The following ROBO2 variants were observed in gnomAD, a reference collection of about 807,000 sequenced individuals.
The protein encoded by ROBO2 is roundabout homolog 2.
In ROBO2, 53 loss-of-function variants were observed where a neutral mutation model predicts 160.8. The observed-to-expected ratio is 0.33, with a 90% CI of 0.26 to 0.41. ROBO2 has a LOEUF of 0.41. Among genes scored for constraint, ROBO2 ranks in the 10% least tolerant of loss-of-function variants. The probability of loss-of-function intolerance (pLI) is 1.00; values close to 1 mark genes in which losing one functional copy is unlikely to be tolerated. For synonymous variants in ROBO2, 664 were observed against 611.7 expected, an observed-to-expected ratio of 1.09 and a Z score of -1.26; for missense variants, 1,577 against 1,722.4, an observed-to-expected ratio of 0.92 and a Z score of 1.49.
intron 2 of ROBO2, among the ~76,000 whole-genome samples, chr3:77,462,620 C>T (rs533528320): frequency 5.3e-5 from 8 of 152,282 alleles, no homozygotes; most frequent in Non-Finnish European, 1.2e-4. Context: ...GAAAACACTC[C>T]GTCAATATAC....
At position 77,358,539 on chromosome 3, in the gene ROBO2, A is replaced by G. The variant is rs1306256328; in HGVS notation, c.389-118875A>G. Among the ~76,000 whole-genome samples the G allele has an allele frequency of 5.3e-5, 8 of 152,238 alleles. No individual in the cohort carries two copies. In the South Asian group the frequency reaches 1.0e-3, roughly 20 times the overall value. The stretch of plus-strand genomic sequence containing the variant: ...ACAGGAAAAACACAATAAGGCAATC[A>G]TTATAAGTTTTATGTTTCATTCTTG... On this transcript the variant is annotated intron_variant, in intron 2 of 25. Transcript: ENST00000461745.
intron 2 of ROBO2, among the ~76,000 whole-genome samples, chr3:76,464,506 A>G (rs373296845): frequency 6.6e-6 from 1 of 152,128 alleles, no homozygotes; most frequent in East Asian, 1.9e-4. Context: ...ACTCCTCTCA[A>G]TATATACTCA....
intron 12 of ROBO2, among the ~76,000 whole-genome samples, chr3:77,565,607 T>C (rs2153664069): frequency 6.6e-6 from 1 of 152,222 alleles, no homozygotes; most frequent in Middle Eastern, 3.4e-3. Flanking sequence ...CAGGCTCAAA[T>C]TCAAACGCTC....
At chr3:76,355,485 G>A (rs1016382597) in intron 2 of ROBO2, among the ~76,000 whole-genome samples, 1 of 151,710 alleles carries the variant, frequency 6.6e-6, no homozygotes, top group Non-Finnish European at 1.5e-5. Flanking sequence ...TGAATATCAG[G>A]ATGAGAATTG....
rs867985981 is a variant in ROBO2, at chr3:76,504,561, G to A, written c.109+566959G>A. ...TTTTTTTTTTTTGAGACGGAGTCTC[G>A]CTCTGTGCCCAGGCTGGAGTGCAGT... On this transcript the variant is annotated intron_variant, in intron 2 of 26. Transcript: ENST00000487694. Among the ~76,000 whole-genome samples, 12 of 112,994 alleles carry A rather than the reference G, an allele frequency of 1.1e-4. No individual in the cohort carries two copies. In the South Asian group the frequency reaches 1.7e-3, roughly 16 times the overall value. The allele number at this position is 112,994 out of a possible 152,430, so 74.1% of individuals were successfully genotyped here.
chr3:76,476,881 A>G (rs1226103340), intron 2 of ROBO2, among the ~76,000 whole-genome samples: 2 of 152,224 alleles, frequency 1.3e-5, no homozygotes, highest in African/African-American at 4.8e-5. Flanking sequence ...GGAGGCAGCA[A>G]ACTCCAAGTG....
At chr3:76,660,298 T>A (rs1318861665) in intron 2 of ROBO2, among the ~76,000 whole-genome samples, 2 of 152,180 alleles carry the variant, frequency 1.3e-5, no homozygotes, top group Non-Finnish European at 2.9e-5. Flanking sequence ...AACTGGACTT[T>A]TCCACAGATA....
chr3:76,818,105 A>C (rs2065842724), intron 2 of ROBO2, among the ~76,000 whole-genome samples: 1 of 152,034 alleles, frequency 6.6e-6, no homozygotes, highest in Admixed American at 6.6e-5. Flanking sequence ...GTGCTAGTTT[A>C]CATTTCTACC....
intron 2 of ROBO2, among the ~76,000 whole-genome samples, chr3:77,356,964 A>G (rs1472330009): frequency 1.3e-5 from 2 of 152,192 alleles, no homozygotes; most frequent in Non-Finnish European, 2.9e-5. Context: ...GAGGAAATAT[A>G]TTAAATATTG....
intron 2 of ROBO2, among the ~76,000 whole-genome samples, chr3:77,099,230 A>G (rs1006165487): frequency 6.6e-6 from 1 of 151,686 alleles, no homozygotes; most frequent in Non-Finnish European, 1.5e-5. Context: ...AGGCCCAGCT[A>G]ATTTTTGTAT....
chr3:77,305,519 G>T (rs2063026419), intron 2 of ROBO2, among the ~76,000 whole-genome samples: 1 of 152,188 alleles, frequency 6.6e-6, no homozygotes, highest in African/African-American at 2.4e-5. Flanking sequence ...AGTCTATGGT[G>T]TTGAGATATT....
intron 2 of ROBO2, among the ~76,000 whole-genome samples, chr3:76,116,163 A>G (rs951241943): frequency 6.6e-6 from 1 of 152,134 alleles, no homozygotes; most frequent in African/African-American, 2.4e-5. Flanking sequence ...CAAGTTTGTC[A>G]ACCTGTATGT....
At chr3:77,037,185 A>C (rs573398790), upstream of ROBO2, among the ~76,000 whole-genome samples, 25 of 152,246 alleles carry the variant, frequency 1.6e-4, no homozygotes, top group Admixed American at 5.9e-4. Context: ...ATCATTTGGG[A>C]TGAGATTGTT....
At chr3:77,426,189 G>A (rs2078187232) in intron 2 of ROBO2, among the ~76,000 whole-genome samples, 1 of 152,140 alleles carries the variant, frequency 6.6e-6, no homozygotes, top group African/African-American at 2.4e-5. Context: ...GGAGCAAAGT[G>A]AGCATATTCT....
At chr3:77,323,444 C>T (rs1376836697) in intron 2 of ROBO2, among the ~76,000 whole-genome samples, 1 of 152,076 alleles carries the variant, frequency 6.6e-6, no homozygotes, top group Non-Finnish European at 1.5e-5. Context: ...AATAGAATAA[C>T]ACATTTGCAT....
chr3:77,040,264 A>T lies in ROBO2; in HGVS notation c.-522A>T. ...CACATTCTTATTATGGAAGTTAAGT[A>T]AAAATATAGACATATTAAAAAATAA... is the stretch of plus-strand genomic sequence containing the variant. On this transcript the variant is annotated 5_prime_UTR_variant, in exon 1 of 26. An upstream open reading frame in the 5' UTR loses its in-frame stop. Coordinates refer to ENST00000461745, the Ensembl canonical transcript of ROBO2. 1 of 988,790 alleles carries T rather than the reference A, an allele frequency of 1.0e-6. No individual in the cohort carries two copies. The highest frequency in any genetic ancestry group is 1.2e-6 in the Non-Finnish European group (1 of 832,320). 61.3% of individuals were successfully genotyped at this position (988,790 alleles called of 1,614,324 possible).
rs143838274 is a variant in ROBO2 at position 77,016,562 on chromosome 3, G to T, written c.110-81452G>T. 1.8e-4 allele frequency among the ~76,000 whole-genome samples: 28 copies of T among 152,204 alleles called. No individual in the cohort carries two copies. In the East Asian group the frequency reaches 2.3e-3, roughly 13 times the overall value. On this transcript the variant is annotated intron_variant, in intron 2 of 26. Coordinates refer to the ROBO2 transcript ENST00000487694. ...TTACCAGTTCAGTCAGGTAAGCTAGGTTGAATCATACAAAATGCCAGTATT... is the reference window on the plus strand; with the variant it reads ...TTACCAGTTCAGTCAGGTAAGCTAGTTTGAATCATACAAAATGCCAGTATT...
At chr3:76,005,906 A>G (rs561619557) in intron 2 of ROBO2, among the ~76,000 whole-genome samples, 10 of 152,310 alleles carry the variant, frequency 6.6e-5, no homozygotes, top group African/African-American at 2.2e-4. Flanking sequence ...AGTATTTTAC[A>G]TAACCTAGGG....
intron 2 of ROBO2, among the ~76,000 whole-genome samples, chr3:76,538,550 C>T (rs1005073070): frequency 6.6e-6 from 1 of 152,140 alleles, no homozygotes; most frequent in African/African-American, 2.4e-5. Flanking sequence ...ACCTCTCACA[C>T]CTTGGACTAT....
Sources: gnomAD v4.1 joint callset for allele counts (sites outside exome capture counted in the v4.1 genomes callset) on GRCh38, gnomAD v4.1.1 for gene constraint, MANE v1.5 for transcripts, NCBI Gene and HGNC (gene_info 2026-07-23, HGNC 2026-07-21) for gene names.